TMEM217B: variants seen among roughly 807,000 people sequenced by gnomAD.
TMEM217B encodes the protein putative transmembrane protein 217B.
the TMEM217B span, chr6:37,218,612 C>G: frequency 3.7e-5 from 59 of 1,614,066 alleles, no homozygotes; most frequent in Non-Finnish European, 4.6e-5. Context: ...CATCCAGAAA[C>G]AGTGCATGAC....
At chr6:37,241,099 C>CT in the TMEM217B span, among the ~76,000 whole-genome samples, 13,472 of 132,850 alleles carry the variant, frequency 0.1, 1,551 homozygotes, top group African/African-American at 0.27. Flanking sequence ...AAGTATTACT[C>CT]TTTTTTTTTT....
chr6:37,222,345 G>A, the TMEM217B span, among the ~76,000 whole-genome samples: 2 of 152,178 alleles, frequency 1.3e-5, no homozygotes, highest in African/African-American at 2.4e-5. Context: ...ACCCCAACCC[G>A]GCTCCGAGAT....
the TMEM217B span, among the ~76,000 whole-genome samples, chr6:37,244,845 C>G: frequency 6.6e-6 from 1 of 152,166 alleles, no homozygotes; most frequent in Non-Finnish European, 1.5e-5. Context: ...GTTGGCCAGG[C>G]AATTTTGTTG....
the TMEM217B span, chr6:37,257,864 A>C: frequency 7.5e-6 from 12 of 1,590,822 alleles, no homozygotes; most frequent in Non-Finnish European, 1.0e-5. Flanking sequence ...GTCTGGGGGC[A>C]TCTCGCCGGG....
the TMEM217B span, chr6:37,212,784 G>A: frequency 2.8e-6 from 2 of 715,210 alleles, no homozygotes; most frequent in Non-Finnish European, 5.1e-6. Context: ...TGAGGGAGAG[G>A]CCAGTGCTGA....
At chr6:37,247,904 T>G in the TMEM217B span, among the ~76,000 whole-genome samples, 1 of 152,156 alleles carries the variant, frequency 6.6e-6, no homozygotes, top group Non-Finnish European at 1.5e-5. Context: ...TTTTCCATAG[T>G]TCTCGGGAGA....
At chr6:37,257,842 T>G in the TMEM217B span, 2 of 1,531,452 alleles carry the variant, frequency 1.3e-6, no homozygotes, top group Non-Finnish European at 1.8e-6. Context: ...GGGTTGGCCC[T>G]CAGATTGCGG....
the TMEM217B span, among the ~76,000 whole-genome samples, chr6:37,221,678 G>A: frequency 6.6e-6 from 1 of 152,160 alleles, no homozygotes; most frequent in Non-Finnish European, 1.5e-5. Flanking sequence ...GGATCTCTGG[G>A]GTGTCAATTT....
chr6:37,248,322 G>C, the TMEM217B span, among the ~76,000 whole-genome samples: 2 of 152,176 alleles, frequency 1.3e-5, no homozygotes. Flanking sequence ...ATAAAAGCTA[G>C]TTAGAAGAAT....
At chr6:37,222,817 A>G in the TMEM217B span, among the ~76,000 whole-genome samples, 1 of 152,240 alleles carries the variant, frequency 6.6e-6, no homozygotes, top group Non-Finnish European at 1.5e-5. Context: ...TTAACTCAGA[A>G]GGGGCCGGGC....
the TMEM217B span, among the ~76,000 whole-genome samples, chr6:37,228,712 T>C: frequency 6.8e-6 from 1 of 147,072 alleles, no homozygotes. Flanking sequence ...TCAATAATAA[T>C]AATAGCTGGG....
chr6:37,257,424 A>C, the TMEM217B span: 1 of 153,386 alleles, frequency 6.5e-6, no homozygotes, highest in Non-Finnish European at 1.5e-5. Context: ...CACAACCAAC[A>C]CATGGGCCCT....
At chr6:37,252,783 T>G in the TMEM217B span, among the ~76,000 whole-genome samples, 4 of 151,182 alleles carry the variant, frequency 2.6e-5, no homozygotes, top group African/African-American at 9.7e-5. Context: ...GGACCACAGG[T>G]GTGTGCCACC....
chr6:37,231,589 C>T, the TMEM217B span, among the ~76,000 whole-genome samples: 5 of 147,224 alleles, frequency 3.4e-5, no homozygotes, highest in Non-Finnish European at 6.0e-5. Context: ...AGGAGAATGG[C>T]GTGAACCCGG....
chr6:37,254,865 G>T, the TMEM217B span, among the ~76,000 whole-genome samples: 3 of 152,082 alleles, frequency 2.0e-5, no homozygotes, highest in Non-Finnish European at 4.4e-5. Context: ...TGAAAATTTT[G>T]GGGGAGGGGG....
chr6:37,218,241 C>T, the TMEM217B span: 2 of 1,318,974 alleles, frequency 1.5e-6, no homozygotes, highest in Non-Finnish European at 2.0e-6. Flanking sequence ...GCAATCTCGG[C>T]TCACTGCAAC....
the TMEM217B span, among the ~76,000 whole-genome samples, chr6:37,246,972 C>G: frequency 2.0e-5 from 3 of 151,828 alleles, no homozygotes; most frequent in African/African-American, 7.3e-5. Context: ...ACCTATCAGG[C>G]ATGGTTAGGA....
At chr6:37,227,136 T>A in the TMEM217B span, among the ~76,000 whole-genome samples, 3 of 152,168 alleles carry the variant, frequency 2.0e-5, no homozygotes, top group Admixed American at 1.3e-4. Flanking sequence ...CCTACTTGTG[T>A]CTTGTGGGTT....
chr6:37,243,841 G>C, the TMEM217B span, among the ~76,000 whole-genome samples: 33 of 152,186 alleles, frequency 2.2e-4, no homozygotes, highest in Non-Finnish European at 4.4e-4. Flanking sequence ...GCCATCATAA[G>C]GATGTGGAAA....
Sources: gnomAD v4.1 joint callset for allele counts (sites outside exome capture counted in the v4.1 genomes callset) on GRCh38, gnomAD v4.1.1 for gene constraint, MANE v1.5 for transcripts, NCBI Gene and HGNC (gene_info 2026-07-23, HGNC 2026-07-21) for gene names.